Variants in ZHX3 observed in about 807,000 individuals in gnomAD.
ZHX3 encodes zinc fingers and homeoboxes protein 3.
Under a neutral mutation model 64.5 loss-of-function variants are expected in ZHX3, and 20 were observed. That is an observed-to-expected ratio of 0.31 (90% CI 0.22 to 0.45). ZHX3 has a LOEUF of 0.45. Ranked by LOEUF, ZHX3 falls within the 20% of genes least tolerant of loss-of-function variation. The pLI, the probability that ZHX3 is intolerant of heterozygous loss-of-function variation, is 1.00. For missense variants in ZHX3, 1,041 were observed against 1,195.8 expected (o/e 0.87, Z 1.91); for synonymous variants, 423 against 461.6 (o/e 0.92, Z 1.07).
intron 2 of ZHX3, among the ~76,000 whole-genome samples, chr20:41,257,854 G>T (rs2042344991): frequency 1.4e-5 from 2 of 143,510 alleles, no homozygotes; most frequent in South Asian, 2.2e-4. Context: ...CTTGTGATCT[G>T]CCCACCTTGG....
intron 3 of ZHX3, among the ~76,000 whole-genome samples, chr20:41,197,847 A>G (rs931072666): frequency 6.6e-6 from 1 of 152,152 alleles, no homozygotes; most frequent in Non-Finnish European, 1.5e-5. Context: ...TAGACAGATT[A>G]CATCTTACAT....
intron 2 of ZHX3, 55 bp from the exon 3 acceptor site, chr20:41,205,121 T>G (rs1428927451): frequency 1.2e-6 from 1 of 841,238 alleles, no homozygotes; most frequent in Non-Finnish European, 1.6e-6. Context: ...TCTGTATATT[T>G]CTCGGATACC....
intron 1 of ZHX3, among the ~76,000 whole-genome samples, chr20:41,314,352 A>C (rs1305014804): frequency 6.6e-6 from 1 of 152,250 alleles, no homozygotes; most frequent in Non-Finnish European, 1.5e-5. Context: ...TAGGCCATCC[A>C]AAAACTGATA....
At chr20:41,244,889 T>C (rs2041598619) in intron 2 of ZHX3, among the ~76,000 whole-genome samples, 2 of 151,954 alleles carry the variant, frequency 1.3e-5, no homozygotes, top group African/African-American at 4.8e-5. Context: ...CTTGGAAGGG[T>C]TTTGGCCCAG....
At chr20:41,307,102 C>T (rs2045002439) in intron 1 of ZHX3, among the ~76,000 whole-genome samples, 2 of 152,256 alleles carry the variant, frequency 1.3e-5, no homozygotes, top group South Asian at 4.1e-4. Context: ...TAGGCCAAGC[C>T]CAGGAACCAA....
intron 1 of ZHX3, among the ~76,000 whole-genome samples, chr20:41,273,601 T>TA (rs2043249596): frequency 6.6e-6 from 1 of 152,196 alleles, no homozygotes; most frequent in African/African-American, 2.4e-5. Context: ...CACCATTTGT[T>TA]AAAGAGATTG....
chr20:41,285,800 T>G (rs1296930463), intron 1 of ZHX3, among the ~76,000 whole-genome samples: 2 of 152,220 alleles, frequency 1.3e-5, no homozygotes, highest in East Asian at 3.8e-4. Flanking sequence ...GTTACTCAAC[T>G]TTCATAGCAT....
At chr20:41,284,270 C>T (rs890423764) in intron 1 of ZHX3, among the ~76,000 whole-genome samples, 1 of 152,190 alleles carries the variant, frequency 6.6e-6, no homozygotes, top group African/African-American at 2.4e-5. Context: ...TCTTCTCAGG[C>T]CACTCACTTT....
chr20:41,223,192 T>A (rs191309329), intron 2 of ZHX3, among the ~76,000 whole-genome samples: 1 of 152,168 alleles, frequency 6.6e-6, no homozygotes, highest in Non-Finnish European at 1.5e-5. Context: ...TTTGCAGAAA[T>A]AGGCACTCTC....
At chr20:41,260,398 A>G (rs768589549) in intron 2 of ZHX3, among the ~76,000 whole-genome samples, 8 of 152,322 alleles carry the variant, frequency 5.3e-5, no homozygotes, top group South Asian at 4.1e-4. Context: ...ACTTTTACAA[A>G]CTGTTTTTAA....
Position 41,201,430 on chromosome 20 carries a change from A to T in ZHX3, c.2860+627T>A. On this transcript the variant is annotated intron_variant, in intron 3 of 3. Transcript: ENST00000683867. The surrounding 1 kb of genome is among the most constrained non-coding windows in gnomAD (Gnocchi z 5.0). Reference sequence around the variant, plus strand: ...AACATGACTTGTCTGTGGCTTCAAAACTATGTCTTAAATAAAAATAATCTT... The same window carrying T: ...AACATGACTTGTCTGTGGCTTCAAATCTATGTCTTAAATAAAAATAATCTT... 8.8e-6 allele frequency: 11 copies of T among 1,245,606 alleles called. No individual in the cohort carries two copies. Among genetic ancestry groups the T allele is most frequent in the Non-Finnish European group, 1.1e-5 (10 of 937,434 alleles). The allele number at this position is 1,245,606 out of a possible 1,614,324, so 77.2% of individuals were successfully genotyped here.
chr20:41,314,541 T>G (rs2045233772), intron 1 of ZHX3, among the ~76,000 whole-genome samples: 4 of 152,234 alleles, frequency 2.6e-5, no homozygotes, highest in Admixed American at 1.3e-4. Context: ...AAATCACAGC[T>G]GTAAACATAA....
intron 1 of ZHX3, among the ~76,000 whole-genome samples, chr20:41,302,168 C>T (rs1019800007): frequency 5.9e-5 from 9 of 151,944 alleles, no homozygotes; most frequent in Non-Finnish European, 1.0e-4. Flanking sequence ...GTTTTCCAGC[C>T]CTCCCAGTGG....
chr20:41,217,875 A>C (rs2039639525), intron 2 of ZHX3, among the ~76,000 whole-genome samples: 1 of 152,230 alleles, frequency 6.6e-6, no homozygotes, highest in Non-Finnish European at 1.5e-5. Context: ...TCTCTTTTAG[A>C]CTATATTCAT....
intron 2 of ZHX3, among the ~76,000 whole-genome samples, chr20:41,240,473 C>T (rs756087390): frequency 3.3e-5 from 5 of 152,056 alleles, no homozygotes; most frequent in East Asian, 1.9e-4. Flanking sequence ...AGGCATGTGA[C>T]GCATAATAAT....
intron 2 of ZHX3, among the ~76,000 whole-genome samples, chr20:41,241,107 G>A: frequency 6.6e-6 from 1 of 152,074 alleles, no homozygotes; most frequent in South Asian, 2.1e-4. Context: ...CTCCACAGTG[G>A]GAAATTACAT....
chr20:41,189,511 T>C (rs913136649), intron 3 of ZHX3, among the ~76,000 whole-genome samples: 1 of 152,234 alleles, frequency 6.6e-6, no homozygotes, highest in Non-Finnish European at 1.5e-5. Context: ...GTTTCTTTCA[T>C]CAGTGTTTTA....
In ZHX3 at chr20:41,268,106, G is replaced by A. The variant is rs559742135; in HGVS notation, c.-151+884C>T. ...GTTACATTTGTGGGAAAATTCCCAC[G>A]GGCTGGTGGTCCCCAGGCTTGTGAA... On this transcript the variant is annotated intron_variant, in intron 2 of 3. Transcript: ENST00000683867. Among the ~76,000 whole-genome samples, 34 of 152,218 alleles carry A rather than the reference G, an allele frequency of 2.2e-4. 1 individual carries two copies. Among genetic ancestry groups the A allele is most frequent in the East Asian group, 1.7e-3 (9 of 5,190 alleles).
intron 3 of ZHX3, among the ~76,000 whole-genome samples, chr20:41,198,071 C>A (rs998455737): frequency 2.9e-5 from 4 of 136,300 alleles, no homozygotes; most frequent in African/African-American, 1.1e-4. Flanking sequence ...GTGGTGCGAT[C>A]TCGGCTCACT....
Sources: gnomAD v4.1 joint callset for allele counts (sites outside exome capture counted in the v4.1 genomes callset) on GRCh38, gnomAD v4.1.1 for gene constraint, Gnocchi (gnomAD v3.1) non-coding constraint, MANE v1.5 for transcripts, NCBI Gene and HGNC (gene_info 2026-07-23, HGNC 2026-07-21) for gene names.